The following PCYOX1L variants were observed in gnomAD, a reference collection of about 807,000 sequenced individuals.
PCYOX1L encodes the protein prenylcysteine oxidase 1-like.
In PCYOX1L, 40 loss-of-function variants were observed where a neutral mutation model predicts 44.1. That is an observed-to-expected ratio of 0.91 (90% CI 0.70 to 1.18). PCYOX1L has a LOEUF of 1.18. Among genes scored for constraint, PCYOX1L ranks in the 50% most tolerant of loss-of-function variants. The pLI, the probability that PCYOX1L is intolerant of heterozygous loss-of-function variation, is 0.00. For synonymous variants in PCYOX1L, 266 were observed against 282.8 expected (o/e 0.94, Z 0.60); for missense variants, 605 against 653.3 (o/e 0.93, Z 0.81).
In PCYOX1L at chr5:149,368,858, AAG is replaced by A. The variant is rs1758328364; in HGVS notation, c.*208_*209del. ...TTTTTTTTAAGGGGGAAAGTAAGAA[AAG>A]AGAAGGAAATCCAAGCCAGTATATT... On this transcript the variant is annotated 3_prime_UTR_variant, in exon 6 of 6. Coordinates refer to ENST00000274569, the MANE Select transcript of PCYOX1L (RefSeq NM_024028.4). 4 of 422,286 alleles carry A rather than the reference AAG, an allele frequency of 9.5e-6. No individual in the cohort carries two copies. Among genetic ancestry groups the A allele is most frequent in the Middle Eastern group, 6.2e-4 (1 of 1,618 alleles). 26.2% of individuals were successfully genotyped at this position (422,286 alleles called of 1,614,324 possible).
At chr5:149,363,589 G>C in intron 2 of PCYOX1L, 1 of 226,098 alleles carries the variant, frequency 4.4e-6, no homozygotes, top group East Asian at 1.1e-4. Context: ...GGAGAGCAGT[G>C]TGTGTAGTAT....
chr5:149,359,460 GA>G (rs765477767), intron 1 of PCYOX1L, among the ~76,000 whole-genome samples: 1 of 152,238 alleles, frequency 6.6e-6, no homozygotes, highest in Non-Finnish European at 1.5e-5. Context: ...GGCATTGAAG[GA>G]TGTGGAAGAG....
rs142681635 is a variant in PCYOX1L at position 149,366,849 on chromosome 5, G to A, written c.683-511G>A. 2.4e-3 allele frequency among the ~76,000 whole-genome samples: 359 copies of A among 152,240 alleles called. 2 individuals carry two copies. Among genetic ancestry groups the A allele is most frequent in the Non-Finnish European group, 3.3e-3 (224 of 68,028 alleles). ...TCCTTGCTCACTCTTTCAGTATCTT[G>A]TGTGTCTCCTTCATAGCATTTTTGT... On this transcript the variant is annotated intron_variant, in intron 4 of 5. Transcript: ENST00000274569.
rs1414304173 is a variant in PCYOX1L, at chr5:149,367,376, C to T, written c.699C>T (p.Ala233=). Residue 233 remains alanine (A), a synonymous_variant, in exon 5 of 6, where the codon GCC becomes GCT. Transcript: ENST00000274569. ...TTTGCCCAGGAGCCATGTCACTAGC[C>T]GGGGCCCAAGGCAGCCTGTGGTCTG... ...MPAFAGAMSL[A]GAQGSLWSVE... The T allele has an allele frequency of 6.8e-6, 11 of 1,610,680 alleles. No homozygotes were observed. Among genetic ancestry groups the T allele is most frequent in the Middle Eastern group, 3.3e-4 (2 of 6,034 alleles).
At chr5:149,363,250 T>A (rs959038025) in intron 2 of PCYOX1L, 12 of 361,908 alleles carry the variant, frequency 3.3e-5, no homozygotes, top group Non-Finnish European at 6.0e-5. Context: ...ATGTATAGAT[T>A]TAAGCTAAAG....
Position 149,368,545 on chromosome 5 carries a change from TG to T in PCYOX1L, c.1378del (p.Ala460ProfsTer19). On this transcript the variant is annotated frameshift_variant, in exon 6 of 6. Transcript: ENST00000274569. LOFTEE classifies it high-confidence loss of function. ...LEWAASSVEV[M>X]AVAAKNVALL... ...TGGGCGGCCAGCTCCGTGGAGGTGA[TG>T]GCCGTGGCTGCCAAGAATGTGGCCT... 1 of 1,602,646 alleles carries T rather than the reference TG, an allele frequency of 6.2e-7. No homozygotes were observed.
intron 3 of PCYOX1L, 140 bp from the exon 4 acceptor site, chr5:149,365,802 A>G: frequency 1.4e-6 from 1 of 725,362 alleles, no homozygotes; most frequent in South Asian, 1.8e-5. Flanking sequence ...GCCAGGGAAC[A>G]TGACCAGCCT....
chr5:149,358,852 A>T (rs920583414), intron 1 of PCYOX1L, among the ~76,000 whole-genome samples: 13 of 152,202 alleles, frequency 8.5e-5, no homozygotes, highest in African/African-American at 2.7e-4. Flanking sequence ...AGAATTTTAT[A>T]GTGGTCATCT....
intron 5 of PCYOX1L, 130 bp from the exon 6 acceptor site, chr5:149,367,863 C>T: frequency 2.0e-6 from 2 of 987,778 alleles, no homozygotes; most frequent in Non-Finnish European, 3.0e-6. Flanking sequence ...GAGGCCAGGA[C>T]CCACCATTTA....
At chr5:149,358,308 G>T (rs1413527461) in intron 1 of PCYOX1L, 152 bp downstream of exon 1, 15 of 1,202,710 alleles carry the variant, frequency 1.2e-5, no homozygotes, top group Non-Finnish European at 1.6e-5. Context: ...CGAAGGGGAC[G>T]CGGCAGGGAA....
chr5:149,362,583 TCTCA>T lies in PCYOX1L; in HGVS notation c.89-50_89-47del, dbSNP rs559887516. The T allele has an allele frequency of 1.8e-4, 292 of 1,587,860 alleles. 1 individual carries two copies. The African/African-American group carries it at 3.4e-3, about 19-fold the overall frequency. On this transcript the variant is annotated intron_variant, in intron 1 of 5. Transcript: ENST00000274569. ...AGGATACAAAGTGTGAACTACAGCC[TCTCA>T]CTCTCATGTTCTGTCTCTCTTCTTC...
At chr5:149,358,252 G>A in intron 1 of PCYOX1L, 96 bp downstream of exon 1, 3 of 1,273,420 alleles carry the variant, frequency 2.4e-6, no homozygotes, top group Non-Finnish European at 2.0e-6. Context: ...GGGCGGCTGG[G>A]TGAGGGAGGG....
At position 149,363,387 on chromosome 5, in the gene PCYOX1L, G is replaced by A. The variant is rs1020439853; in HGVS notation, c.295+544G>A. On this transcript the variant is annotated intron_variant, in intron 2 of 5. Coordinates refer to ENST00000274569, the MANE Select transcript of PCYOX1L (RefSeq NM_024028.4). The stretch of plus-strand genomic sequence containing the variant: ...TCTTACAGATGTGCAAAGTAGCATA[G>A]ATACCAAGTTATTCACTACAGCATT... 1.7e-5 allele frequency: 5 copies of A among 287,742 alleles called. No individual in the cohort carries two copies. The South Asian group carries it at 1.8e-4, about 10-fold the overall frequency. 17.8% of individuals were successfully genotyped at this position (287,742 alleles called of 1,614,324 possible). A position where few individuals can be genotyped will look rare whatever the true frequency, so the allele number is the denominator to read the frequency against.
At chr5:149,362,123 TGAAAG>T (rs1758026360) in intron 1 of PCYOX1L, 2 of 164,556 alleles carry the variant, frequency 1.2e-5, no homozygotes, top group Non-Finnish European at 2.7e-5. Flanking sequence ...AGACAATAAT[TGAAAG>T]AAAGAGCATC....
chr5:149,367,598 C>T (rs1758258426), intron 5 of PCYOX1L, 98 bp downstream of exon 5: 2 of 1,496,670 alleles, frequency 1.3e-6, no homozygotes, highest in Admixed American at 5.0e-5. Flanking sequence ...TGTGATCCCC[C>T]TGGGGAGTAT....
intron 1 of PCYOX1L, among the ~76,000 whole-genome samples, chr5:149,358,948 G>A (rs758811330): frequency 1.2e-4 from 19 of 152,152 alleles, no homozygotes; most frequent in Non-Finnish European, 2.5e-4. Flanking sequence ...AGACATCCAC[G>A]AATCCAGCCT....
At chr5:149,367,902 G>C in intron 5 of PCYOX1L, 91 bp from the exon 6 acceptor site, 1 of 1,357,626 alleles carries the variant, frequency 7.4e-7, no homozygotes, top group Non-Finnish European at 1.0e-6. Context: ...TGAGCACCAG[G>C]GTCTCGTTGT....
At position 149,362,829 on chromosome 5, in the gene PCYOX1L, T is replaced by C. The variant is rs370917803; in HGVS notation, c.281T>C (p.Phe94Ser). The C allele has an allele frequency of 6.2e-7, 1 of 1,613,840 alleles. No individual in the cohort carries two copies. Among genetic ancestry groups the C allele is most frequent in the Non-Finnish European group, 8.5e-7 (1 of 1,180,048 alleles). ...TCCCTGAGCCTGCACATGCAGGACT[T>C]CGTCAAGCTGCTGGGTGAGTGGTCA... ...FHSLSLHMQD[F>S]VKLLGLRHRR... Residue 94 changes from phenylalanine (F) to serine (S), a missense_variant, in exon 2 of 6, where the codon TTC becomes TCC. Phe to Ser is a radical substitution (Grantham distance 155). Transcript: ENST00000274569.
In PCYOX1L at chr5:149,369,083, AC is replaced by A. The variant is rs1447725142; in HGVS notation, c.*431del. ...GGCAACCTACAAGAAAACATTTACAACCAGATGGTTACAAATAAAGTAGAAG... is the reference window on the plus strand; with the variant it reads ...GGCAACCTACAAGAAAACATTTACAACAGATGGTTACAAATAAAGTAGAAG... On this transcript the variant is annotated 3_prime_UTR_variant, in exon 6 of 6. Transcript: ENST00000274569. 1 of 154,388 alleles carries A rather than the reference AC, an allele frequency of 6.5e-6. No individual in the cohort carries two copies. The highest frequency in any genetic ancestry group is 1.4e-5 in the Non-Finnish European group (1 of 69,686). The allele number at this position is 154,388 out of a possible 1,614,324, so 9.6% of individuals were successfully genotyped here. A position where few individuals can be genotyped will look rare whatever the true frequency, so the allele number is the denominator to read the frequency against.
Sources: gnomAD v4.1 joint callset for allele counts (sites outside exome capture counted in the v4.1 genomes callset) on GRCh38, gnomAD v4.1.1 for gene constraint, MANE v1.5 for transcripts, NCBI Gene and HGNC (gene_info 2026-07-23, HGNC 2026-07-21) for gene names.